MRPS6: variants seen among roughly 807,000 people sequenced by gnomAD.
The protein encoded by MRPS6 is small ribosomal subunit protein bS6m.
A neutral mutation model predicts 13.1 loss-of-function variants in MRPS6; 6 were observed. That is an observed-to-expected ratio of 0.46 (90% confidence interval 0.25 to 0.91). MRPS6 has a LOEUF of 0.91. Among genes scored for constraint, MRPS6 ranks in the 40% least tolerant of loss-of-function variants. The pLI is 0.18. For synonymous variants in MRPS6, 61 were observed against 56.5 expected, an observed-to-expected ratio of 1.08 and a Z score of -0.36; for missense variants, 164 against 155.6, an observed-to-expected ratio of 1.05 and a Z score of -0.29.
At chr21:34,073,857 C>T (rs1305871928) in intron 1 of MRPS6, 112 bp downstream of exon 1, 2 of 539,922 alleles carry the variant, frequency 3.7e-6, no homozygotes, top group East Asian at 8.0e-5. Flanking sequence ...CTGCACTCCT[C>T]GGAGGAGGCC....
chr21:34,121,481 A>T (rs1464318372), intron 1 of MRPS6, among the ~76,000 whole-genome samples: 2 of 152,032 alleles, frequency 1.3e-5, no homozygotes, highest in East Asian at 1.9e-4. Flanking sequence ...ATTCCCATTC[A>T]TTCATTCCTT....
intron 1 of MRPS6, among the ~76,000 whole-genome samples, chr21:34,077,170 A>G (rs1420967013): frequency 2.0e-5 from 3 of 152,216 alleles, no homozygotes; most frequent in African/African-American, 4.8e-5. Flanking sequence ...TCACTTGATA[A>G]TTAGATTTTA....
intron 1 of MRPS6, among the ~76,000 whole-genome samples, chr21:34,109,874 TTTTA>T (rs143330040): frequency 0.021 from 3,257 of 152,272 alleles, 120 homozygotes; most frequent in African/African-American, 0.073. Context: ...TATATATCAT[TTTTA>T]TTTGACAATC....
chr21:34,102,923 C>T (rs1979313294), intron 1 of MRPS6: 1 of 999,654 alleles, frequency 1.0e-6, no homozygotes, highest in Non-Finnish European at 1.2e-6. Flanking sequence ...GTATCCCCAA[C>T]CTAATTTATC....
At chr21:34,107,966 A>C (rs1979546412) in intron 1 of MRPS6, among the ~76,000 whole-genome samples, 1 of 152,212 alleles carries the variant, frequency 6.6e-6, no homozygotes, top group African/African-American at 2.4e-5. Flanking sequence ...TTCAGTGTAC[A>C]GAACTAGGAA....
chr21:34,133,891 C>T (rs1189759556), intron 2 of MRPS6, among the ~76,000 whole-genome samples: 1 of 152,072 alleles, frequency 6.6e-6, no homozygotes, highest in African/African-American at 2.4e-5. Flanking sequence ...ATAACTTGTC[C>T]GTGGTAGATT....
intron 1 of MRPS6, among the ~76,000 whole-genome samples, chr21:34,111,807 ACT>A (rs1459399489): frequency 2.1e-5 from 3 of 145,786 alleles, no homozygotes; most frequent in East Asian, 2.0e-4. Flanking sequence ...GGAGTTTCTG[ACT>A]CTCTTTCCAG....
In MRPS6 at chr21:34,096,100, T is replaced by A; in HGVS notation, c.45+22355T>A. On this transcript the variant is annotated intron_variant, in intron 1 of 2. Coordinates refer to ENST00000399312, the MANE Select transcript of MRPS6 (RefSeq NM_032476.4). This position sits in a 1 kb window ranked among gnomAD's most constrained non-coding sequence, Gnocchi z 5.9. ...GCTCATGCCAAAGGCTCTACTCTTA[T>A]GGCTGGCTTCTTAAAGCTCCTGCCA... 6.2e-7 allele frequency: 1 copy of A among 1,614,122 alleles called. No homozygotes were observed. The highest frequency in any genetic ancestry group is 1.1e-5 in the South Asian group (1 of 91,082).
chr21:34,099,374 T>C, intron 1 of MRPS6: 3 of 1,000,296 alleles, frequency 3.0e-6, no homozygotes, highest in Non-Finnish European at 3.6e-6. Flanking sequence ...TCTGGACAAA[T>C]GGTTGTCAAT....
chr21:34,096,770 C>T lies in MRPS6; in HGVS notation c.45+23025C>T, dbSNP rs745713093. 6.2e-7 allele frequency: 1 copy of T among 1,613,890 alleles called. No homozygotes were observed. The highest frequency in any genetic ancestry group is 8.5e-7 in the Non-Finnish European group (1 of 1,179,986). ...CAGGATTGTTTTGGGTCACGGGACT[C>T]ATTACTGTAATTGTGAGCCTTCTCA... is the stretch of plus-strand genomic sequence containing the variant. On this transcript the variant is annotated intron_variant, in intron 1 of 2. Coordinates refer to ENST00000399312, the MANE Select transcript of MRPS6 (RefSeq NM_032476.4). The surrounding 1 kb of genome is among the most constrained non-coding windows in gnomAD (Gnocchi z 5.9).
At chr21:34,100,955 A>G (rs975353134) in intron 1 of MRPS6, 3 of 1,000,148 alleles carry the variant, frequency 3.0e-6, no homozygotes, top group Non-Finnish European at 3.6e-6. Context: ...TTAACTTATG[A>G]TGATTCTCCT....
At chr21:34,132,544 GA>G (rs1980541533) in intron 2 of MRPS6, among the ~76,000 whole-genome samples, 2 of 152,212 alleles carry the variant, frequency 1.3e-5, no homozygotes, top group Non-Finnish European at 2.9e-5. Context: ...CCGAAGCTAG[GA>G]AAGCCCAGTG....
intron 1 of MRPS6, among the ~76,000 whole-genome samples, chr21:34,085,812 T>C (rs895617899): frequency 2.6e-5 from 4 of 152,032 alleles, no homozygotes; most frequent in Non-Finnish European, 4.4e-5. Flanking sequence ...CCGTGTTAGC[T>C]AGGGTGGTCT....
At chr21:34,087,783 C>T (rs1388714033) in intron 1 of MRPS6, among the ~76,000 whole-genome samples, 2 of 152,214 alleles carry the variant, frequency 1.3e-5, no homozygotes, top group South Asian at 2.1e-4. Flanking sequence ...AGCATGGAGA[C>T]AAGAGGCTGG....
chr21:34,075,692 TA>T (rs1292316682), intron 1 of MRPS6, among the ~76,000 whole-genome samples: 1 of 152,212 alleles, frequency 6.6e-6, no homozygotes, highest in Non-Finnish European at 1.5e-5. Context: ...TTGACCTAAA[TA>T]AAGTAATATT....
intron 2 of MRPS6, among the ~76,000 whole-genome samples, chr21:34,138,833 C>G (rs1316381846): frequency 6.6e-6 from 1 of 152,136 alleles, no homozygotes; most frequent in African/African-American, 2.4e-5. Flanking sequence ...CATCCCATTA[C>G]TGGGTATATA....
chr21:34,097,222 G>C, intron 1 of MRPS6: 1 of 1,614,078 alleles, frequency 6.2e-7, no homozygotes, highest in Non-Finnish European at 8.5e-7. Context: ...AGGAGTCTCA[G>C]AGACCTGATG....
At chr21:34,111,689 A>G (rs958307703) in intron 1 of MRPS6, among the ~76,000 whole-genome samples, 5 of 152,208 alleles carry the variant, frequency 3.3e-5, no homozygotes, top group African/African-American at 9.7e-5. Flanking sequence ...TAATGCAACA[A>G]AATGAGAGCC....
At chr21:34,116,027 C>T (rs1002262204) in intron 1 of MRPS6, among the ~76,000 whole-genome samples, 8 of 151,946 alleles carry the variant, frequency 5.3e-5, no homozygotes, top group Middle Eastern at 3.4e-3. Flanking sequence ...ATCCCAACCC[C>T]GACAGGGTTT....
Sources: allele counts gnomAD v4.1 joint callset (sites outside exome capture counted in the v4.1 genomes callset), GRCh38; gene constraint gnomAD v4.1.1; non-coding constraint Gnocchi (gnomAD v3.1); transcripts MANE v1.5; gene names NCBI Gene and HGNC (gene_info 2026-07-23, HGNC 2026-07-21).